Variants in TNS3 observed in about 807,000 individuals in gnomAD.
TNS3 encodes tensin-3.
In TNS3, 45 loss-of-function variants were observed where a neutral mutation model predicts 140.9. The ratio of observed to expected loss-of-function variants is 0.32; its 90% CI spans 0.25 to 0.41. The LOEUF (loss-of-function observed/expected upper bound fraction) is 0.41, where lower values mean the gene tolerates loss of function less well. Ranked by LOEUF, TNS3 falls within the 10% of genes least tolerant of loss-of-function variation. The probability of loss-of-function intolerance (pLI) is 1.00; values close to 1 mark genes in which losing one functional copy is unlikely to be tolerated. For missense variants in TNS3, 1,716 were observed against 1,906.7 expected, an observed-to-expected ratio of 0.90 and a Z score of 1.86; for synonymous variants, 815 against 788.4, an observed-to-expected ratio of 1.03 and a Z score of -0.56.
chr7:47,279,175 A>T (rs1785012412), intron 30 of TNS3: 1 of 152,290 alleles, frequency 6.6e-6, no homozygotes, highest in African/African-American at 2.4e-5. Flanking sequence ...CTGGACAGAC[A>T]AGCCATTTGA....
intron 6 of TNS3, among the ~76,000 whole-genome samples, chr7:47,438,199 G>T (rs1017380023): frequency 1.3e-5 from 2 of 152,200 alleles, no homozygotes; most frequent in African/African-American, 4.8e-5. Context: ...TGACAAGGGG[G>T]GGCGCTGCTT....
intron 12 of TNS3, among the ~76,000 whole-genome samples, chr7:47,412,131 A>C (rs539946241): frequency 6.6e-6 from 1 of 152,314 alleles, no homozygotes; most frequent in South Asian, 2.1e-4. Flanking sequence ...TTACAAACTG[A>C]GGGTGCAATT....
At chr7:47,515,186 C>T (rs372878071) in intron 2 of TNS3, among the ~76,000 whole-genome samples, 1 of 152,110 alleles carries the variant, frequency 6.6e-6, no homozygotes, top group Non-Finnish European at 1.5e-5. Flanking sequence ...TCTACTTAAC[C>T]ACATATGAAA....
chr7:47,305,356 G>A (rs1189505443), intron 20 of TNS3, among the ~76,000 whole-genome samples: 1 of 152,228 alleles, frequency 6.6e-6, no homozygotes, highest in Non-Finnish European at 1.5e-5. Context: ...CTGATGTCCT[G>A]TAATGTACTC....
intron 20 of TNS3, among the ~76,000 whole-genome samples, chr7:47,334,254 T>A (rs1159654916): frequency 6.6e-6 from 1 of 152,208 alleles, no homozygotes; most frequent in East Asian, 1.9e-4. Flanking sequence ...AGAGGCTGCA[T>A]GCTTGGAAGC....
intron 17 of TNS3, among the ~76,000 whole-genome samples, chr7:47,361,382 C>T (rs1790320882): frequency 6.6e-6 from 1 of 152,046 alleles, no homozygotes; most frequent in Admixed American, 6.6e-5. Context: ...TGCTTTCTCC[C>T]GGTCTGCCTC....
At chr7:47,342,048 T>C (rs551491157) in intron 20 of TNS3, among the ~76,000 whole-genome samples, 2 of 152,284 alleles carry the variant, frequency 1.3e-5, no homozygotes, top group Admixed American at 1.3e-4. Context: ...TGATTTCTAG[T>C]GAGTCCATTG....
chr7:47,442,905 C>A (rs1326782720), intron 4 of TNS3, among the ~76,000 whole-genome samples: 1 of 152,246 alleles, frequency 6.6e-6, no homozygotes, highest in Admixed American at 6.5e-5. Flanking sequence ...GGATCCCACT[C>A]AGGCAGGTGC....
chr7:47,538,928 T>A (rs1157813719), intron 1 of TNS3: 1 of 430,780 alleles, frequency 2.3e-6, no homozygotes, highest in African/African-American at 2.0e-5. Context: ...CACATCTGTA[T>A]CGTATTCATT....
chr7:47,558,511 G>C (rs1476598616), intron 1 of TNS3, among the ~76,000 whole-genome samples: 1 of 152,080 alleles, frequency 6.6e-6, no homozygotes, highest in Non-Finnish European at 1.5e-5. Flanking sequence ...CCCTGCAGTG[G>C]AGCACACCTG....
chr7:47,476,314 T>C (rs1304473672), intron 4 of TNS3, among the ~76,000 whole-genome samples: 1 of 152,180 alleles, frequency 6.6e-6, no homozygotes, highest in Non-Finnish European at 1.5e-5. Context: ...TGCTCACACC[T>C]ACCACTACAT....
chr7:47,340,092 C>CATATACATATATATAT (rs1554297173), intron 20 of TNS3, among the ~76,000 whole-genome samples: 1 of 46,016 alleles, frequency 2.2e-5, no homozygotes, highest in Non-Finnish European at 3.7e-5. Context: ...TGTGCATATA[C>CATATACATATATATAT]ATATATATAT....
chr7:47,541,948 C>CAAAAAAAAAAAAAAAA (rs11314197), intron 1 of TNS3, among the ~76,000 whole-genome samples: 2 of 130,964 alleles, frequency 1.5e-5, no homozygotes, highest in African/African-American at 5.8e-5. Flanking sequence ...GACTCCATCT[C>CAAAAAAAAAAAAAAAA]AAAAAAAAAA....
chr7:47,379,446 T>C (rs527944083), intron 16 of TNS3, among the ~76,000 whole-genome samples: 1 of 152,332 alleles, frequency 6.6e-6, no homozygotes, highest in Admixed American at 6.5e-5. Context: ...ATTAAATCAT[T>C]TTCTATTCCA....
At chr7:47,309,284 C>T (rs556605756) in intron 20 of TNS3, among the ~76,000 whole-genome samples, 44 of 151,950 alleles carry the variant, frequency 2.9e-4, no homozygotes, top group African/African-American at 5.8e-4. Context: ...TATTTAAAGA[C>T]GAACAATTCA....
chr7:47,440,184 G>T (rs940134627), intron 5 of TNS3, among the ~76,000 whole-genome samples: 1 of 152,112 alleles, frequency 6.6e-6, no homozygotes, highest in Non-Finnish European at 1.5e-5. Context: ...GGGGAGGTGC[G>T]GCCAAGGATG....
chr7:47,314,255 T>C (rs1787267482), intron 20 of TNS3, among the ~76,000 whole-genome samples: 1 of 152,210 alleles, frequency 6.6e-6, no homozygotes, highest in Admixed American at 6.5e-5. Context: ...GCAGCTACAC[T>C]TTACACAGAA....
chr7:47,463,115 C>T (rs767702345), intron 4 of TNS3, among the ~76,000 whole-genome samples: 1 of 152,280 alleles, frequency 6.6e-6, no homozygotes, highest in East Asian at 1.9e-4. Flanking sequence ...TAGGGTCCTG[C>T]GAGCTCTAGT....
chr7:47,525,330 T>C (rs1009247659), intron 2 of TNS3, among the ~76,000 whole-genome samples: 1 of 152,238 alleles, frequency 6.6e-6, no homozygotes, highest in Admixed American at 6.5e-5. Flanking sequence ...GCCACCACAC[T>C]GGGCTTTGTT....
Sources: gnomAD v4.1 joint callset for allele counts (sites outside exome capture counted in the v4.1 genomes callset) on GRCh38, gnomAD v4.1.1 for gene constraint, MANE v1.5 for transcripts, NCBI Gene and HGNC (gene_info 2026-07-23, HGNC 2026-07-21) for gene names.